FAM222A: variants seen among roughly 807,000 people sequenced by gnomAD.
FAM222A encodes protein FAM222A.
In FAM222A, 7 loss-of-function variants were observed where a neutral mutation model predicts 25.8. The observed-to-expected ratio is 0.27, with a 90% CI of 0.15 to 0.51. FAM222A has a LOEUF of 0.51. Among genes scored for constraint, FAM222A ranks in the 20% least tolerant of loss-of-function variants. The pLI is 0.97. For synonymous variants in FAM222A, 294 were observed against 298.8 expected (o/e 0.98, Z 0.17); for missense variants, 573 against 640.5 (o/e 0.89, Z 1.14).
chr12:109,731,027 A>T (rs1053808338), intron 1 of FAM222A, among the ~76,000 whole-genome samples: 1 of 151,960 alleles, frequency 6.6e-6, no homozygotes, highest in Non-Finnish European at 1.5e-5. Context: ...TTCTACTTCC[A>T]TGTTTCATAT....
chr12:109,751,444 T>G (rs1330611730), intron 2 of FAM222A, among the ~76,000 whole-genome samples: 2 of 152,180 alleles, frequency 1.3e-5, no homozygotes, highest in Non-Finnish European at 2.9e-5. Context: ...CTGGTTCAAT[T>G]TAGATTATTT....
At chr12:109,756,392 C>CTTT (rs35171962) in intron 2 of FAM222A, among the ~76,000 whole-genome samples, 1,754 of 124,308 alleles carry the variant, frequency 0.014, 48 homozygotes, top group African/African-American at 0.039. Flanking sequence ...AATATGAATG[C>CTTT]TTTTTTTTTT....
Position 109,744,107 on chromosome 12 carries a change from A to T in FAM222A, c.-40A>T, listed in dbSNP as rs1487528650. 1 of 1,603,818 alleles carries T rather than the reference A, an allele frequency of 6.2e-7. No homozygotes were observed. The highest frequency in any genetic ancestry group is 8.5e-7 in the Non-Finnish European group (1 of 1,176,074). Reference sequence around the variant, plus strand: ...CCCCATCTTCCTCCTGCAGGGACCCAGTCGCAGAGCGCACCCCACTGGGGA... The same window carrying T: ...CCCCATCTTCCTCCTGCAGGGACCCTGTCGCAGAGCGCACCCCACTGGGGA... On this transcript the variant is annotated 5_prime_UTR_variant, in exon 2 of 3. Transcript: ENST00000538780.
intron 2 of FAM222A, among the ~76,000 whole-genome samples, chr12:109,756,259 T>G (rs1592795568): frequency 6.6e-6 from 1 of 152,212 alleles, no homozygotes; most frequent in Non-Finnish European, 1.5e-5. Context: ...TTTTTGTATA[T>G]TGATCTTGTA....
chr12:109,759,614 TC>T (rs1300393432), intron 2 of FAM222A, among the ~76,000 whole-genome samples: 14 of 151,946 alleles, frequency 9.2e-5, no homozygotes, highest in Admixed American at 2.0e-4. Flanking sequence ...GTCCAGCACT[TC>T]CAGCCCAGCC....
intron 1 of FAM222A, among the ~76,000 whole-genome samples, chr12:109,730,909 C>T (rs1169584781): frequency 6.6e-6 from 1 of 152,210 alleles, no homozygotes; most frequent in Non-Finnish European, 1.5e-5. Context: ...CTGAGCCCAT[C>T]ACTGTCATCT....
chr12:109,731,224 C>T (rs1419447195), intron 1 of FAM222A, among the ~76,000 whole-genome samples: 1 of 152,060 alleles, frequency 6.6e-6, no homozygotes, highest in African/African-American at 2.4e-5. Flanking sequence ...ATGAGGGCTA[C>T]TAGGATGCTA....
intron 2 of FAM222A, chr12:109,744,810 G>T: frequency 3.1e-6 from 3 of 980,084 alleles, no homozygotes; most frequent in Non-Finnish European, 3.6e-6. Context: ...TTAAAATATG[G>T]ATTTCTACTA....
At chr12:109,730,251 C>T (rs937287673) in intron 1 of FAM222A, among the ~76,000 whole-genome samples, 2 of 152,202 alleles carry the variant, frequency 1.3e-5, no homozygotes, top group African/African-American at 4.8e-5. Flanking sequence ...ATCCCTGCTC[C>T]ACCAGTTTCT....
chr12:109,718,666 C>T (rs1566182574), intron 1 of FAM222A, among the ~76,000 whole-genome samples: 1 of 152,232 alleles, frequency 6.6e-6, no homozygotes, highest in Non-Finnish European at 1.5e-5. Context: ...TTGCGGGCCG[C>T]GGGAGGAGGG....
chr12:109,754,337 C>G (rs1286659249), intron 2 of FAM222A, among the ~76,000 whole-genome samples: 1 of 151,916 alleles, frequency 6.6e-6, no homozygotes, highest in Non-Finnish European at 1.5e-5. Flanking sequence ...TCCAAGAGAT[C>G]AGCCTGGCCA....
intron 1 of FAM222A, among the ~76,000 whole-genome samples, chr12:109,720,724 G>GC (rs1346198060): frequency 2.6e-5 from 4 of 152,264 alleles, no homozygotes; most frequent in Non-Finnish European, 5.9e-5. Flanking sequence ...AGATGAACAA[G>GC]CCCCAGTTGC....
intron 2 of FAM222A, among the ~76,000 whole-genome samples, chr12:109,762,362 AG>A (rs1272707461): frequency 1.3e-5 from 2 of 152,222 alleles, no homozygotes; most frequent in African/African-American, 4.8e-5. Flanking sequence ...CGCAGTGGCC[AG>A]GTTCCAAGGA....
chr12:109,764,222 C>CGAAAAAAAAA (rs1888978405), intron 2 of FAM222A, among the ~76,000 whole-genome samples: 1 of 91,752 alleles, frequency 1.1e-5, no homozygotes, highest in African/African-American at 4.5e-5. Flanking sequence ...ACCCTGTCTT[C>CGAAAAAAAAA]AAAAAAAAAA....
At chr12:109,752,114 C>G (rs888670019) in intron 2 of FAM222A, among the ~76,000 whole-genome samples, 1 of 152,174 alleles carries the variant, frequency 6.6e-6, no homozygotes, top group African/African-American at 2.4e-5. Context: ...GCTACTGTCC[C>G]CCTGTCAAGA....
At chr12:109,767,088 T>C (rs1889076106) in intron 2 of FAM222A, among the ~76,000 whole-genome samples, 1 of 133,254 alleles carries the variant, frequency 7.5e-6, no homozygotes, top group African/African-American at 2.8e-5. Flanking sequence ...TTTTTTTTTC[T>C]TATAAAGACA....
At chr12:109,722,196 A>G (rs143587625) in intron 1 of FAM222A, among the ~76,000 whole-genome samples, 1 of 152,330 alleles carries the variant, frequency 6.6e-6, no homozygotes, top group Non-Finnish European at 1.5e-5. Context: ...GAGAGTGTTT[A>G]CTAAGGGAGC....
chr12:109,749,180 C>T (rs1888490331), intron 2 of FAM222A, among the ~76,000 whole-genome samples: 1 of 152,182 alleles, frequency 6.6e-6, no homozygotes, highest in African/African-American at 2.4e-5. Flanking sequence ...AATCTCGGCT[C>T]ACCATAACCT....
At chr12:109,765,402 G>A (rs943930647) in intron 2 of FAM222A, among the ~76,000 whole-genome samples, 12 of 152,096 alleles carry the variant, frequency 7.9e-5, no homozygotes, top group South Asian at 2.1e-4. Context: ...AGGCCCTCCC[G>A]GCCGGCCACC....
Sources: gnomAD v4.1 joint callset for allele counts (sites outside exome capture counted in the v4.1 genomes callset) on GRCh38, gnomAD v4.1.1 for gene constraint, MANE v1.5 for transcripts, NCBI Gene and HGNC (gene_info 2026-07-23, HGNC 2026-07-21) for gene names.